The following FMR1 variants were observed in gnomAD, a reference collection of about 807,000 sequenced individuals.
FMR1 encodes fragile X messenger ribonucleoprotein 1.
Under a neutral mutation model 50.6 loss-of-function variants are expected in FMR1, and 13 were observed. The observed-to-expected ratio is 0.26, with a 90% CI of 0.17 to 0.41. The LOEUF is 0.41. Among genes scored for constraint, FMR1 ranks in the 10% least tolerant of loss-of-function variants. The pLI, the probability that FMR1 is intolerant of heterozygous loss-of-function variation, is 1.00. For synonymous variants in FMR1, 138 were observed against 164.1 expected (o/e 0.84, Z 1.22); for missense variants, 316 against 491.3 (o/e 0.64, Z 3.37).
At chrX:147,935,655 C>T (rs782200660) in intron 9 of FMR1, among the ~76,000 whole-genome samples, 1 of 111,951 alleles carries the variant, frequency 8.9e-6, no homozygotes, top group South Asian at 3.7e-4. Context: ...CAAATGAAAG[C>T]AGTCATTTTC....
chrX:147,944,513 A>G (rs782388383), intron 14 of FMR1: 444 of 752,478 alleles, frequency 5.9e-4, no homozygotes, highest in Non-Finnish European at 6.7e-4. Context: ...TTATCAGGGT[A>G]TCACACTTAA....
Position 147,948,587 on chromosome X carries a change from G to A in FMR1, c.1738-96G>A, listed in dbSNP as rs1357692487. 1.7e-6 allele frequency: 2 copies of A among 1,186,537 alleles called. No individual in the cohort carries two copies. The highest frequency in any genetic ancestry group is 2.3e-6 in the Non-Finnish European group (2 of 881,120). On this transcript the variant is annotated intron_variant, in intron 16 of 16. Transcript: ENST00000370475. ...TCATCTCCATTTCTCTTTTTAACAT[G>A]TGGAATTTACACTTCAGGTTTAAAT...
chrX:147,951,044 T>C lies in FMR1; in HGVS notation c.*2200T>C, dbSNP rs1557183698. ...CAAAGTCATGATGTTTTTAAAATCT[T>C]ATTAAAGTTTCAAAAATCTGAAGAT... is the stretch of plus-strand genomic sequence containing the variant. On this transcript the variant is annotated 3_prime_UTR_variant, in exon 17 of 17. Coordinates refer to ENST00000370475, the MANE Select transcript of FMR1 (RefSeq NM_002024.6). 4.1e-6 allele frequency: 1 copy of C among 243,953 alleles called. No homozygotes were observed. Among genetic ancestry groups the C allele is most frequent in the Non-Finnish European group, 7.8e-6 (1 of 128,419 alleles). The allele number at this position is 243,953 out of a possible 1,213,427, so 20.1% of individuals were successfully genotyped here. A position where few individuals can be genotyped will look rare whatever the true frequency, so the allele number is the denominator to read the frequency against.
intron 13 of FMR1, among the ~76,000 whole-genome samples, chrX:147,942,417 A>T (rs993628283): frequency 4.4e-5 from 5 of 112,386 alleles, no homozygotes; most frequent in African/African-American, 1.6e-4. Context: ...ATTGGACCCC[A>T]GGTGTATATT....
intron 1 of FMR1, 79 bp from the exon 2 acceptor site, chrX:147,921,854 T>TATTCATAAACACATAAAAC (rs2043184413): frequency 1.6e-6 from 1 of 609,255 alleles, no homozygotes; most frequent in Non-Finnish European, 2.8e-6. Context: ...ATAAAACGTT[T>TATTCATAAACACATAAAAC]GGTATCACTG....
intron 9 of FMR1, among the ~76,000 whole-genome samples, chrX:147,934,517 A>T (rs2043721942): frequency 8.9e-6 from 1 of 111,765 alleles, no homozygotes; most frequent in Admixed American, 9.5e-5. Flanking sequence ...ACCTTATTCA[A>T]AACAACTCCA....
At chrX:147,947,986 T>A (rs1233455775) in intron 16 of FMR1, among the ~76,000 whole-genome samples, 3 of 112,297 alleles carry the variant, frequency 2.7e-5, no homozygotes, top group Non-Finnish European at 3.8e-5. Flanking sequence ...TTAAATTACA[T>A]TGATCTTTAT....
rs1557183496 is a variant in FMR1, at chrX:147,950,670, C to T, written c.*1826C>T. 10 of 324,404 alleles carry T rather than the reference C, an allele frequency of 3.1e-5. No homozygotes were observed. Among genetic ancestry groups the T allele is most frequent in the South Asian group, 2.7e-4 (10 of 37,244 alleles). 26.7% of individuals were successfully genotyped at this position (324,404 alleles called of 1,213,427 possible). ...TTGATGCAATCCTTACAAATGATTG[C>T]TTTTAAAATTTTAAGCTAGGAAAAG... On this transcript the variant is annotated 3_prime_UTR_variant, in exon 17 of 17. Coordinates refer to ENST00000370475, the MANE Select transcript of FMR1 (RefSeq NM_002024.6).
Position 147,936,490 on chromosome X carries a change from T to C in FMR1, c.881-14T>C. 2 of 1,104,895 alleles carry C rather than the reference T, an allele frequency of 1.8e-6. No individual in the cohort carries two copies. Among genetic ancestry groups the C allele is most frequent in the Non-Finnish European group, 2.5e-6 (2 of 798,280 alleles). The allele number at this position is 1,104,895 out of a possible 1,213,427, so 91.1% of individuals were successfully genotyped here. On this transcript the variant is annotated splice_polypyrimidine_tract_variant and intron_variant, in intron 9 of 16. Transcript: ENST00000370475. ...TGTGTTTTTAAAACCAAACTTGATT[T>C]ATTTATTTCTTAGGCAAAGTAATAG...
chrX:147,936,408 A>G (rs1324982189), intron 9 of FMR1, 96 bp from the exon 10 acceptor site: 1 of 555,739 alleles, frequency 1.8e-6, no homozygotes, highest in Non-Finnish European at 3.1e-6. Context: ...ACATAAAAAT[A>G]TCTATCTATA....
chrX:147,944,535 A>G (rs1177087180), intron 14 of FMR1: 5 of 751,956 alleles, frequency 6.6e-6, no homozygotes, highest in Non-Finnish European at 7.8e-6. Flanking sequence ...TGTCGTGGAT[A>G]ATCTTTTCCT....
At chrX:147,914,590 C>T (rs782142679) in intron 1 of FMR1, 2 of 111,706 alleles carry the variant, frequency 1.8e-5, no homozygotes. Flanking sequence ...CTAACATAAC[C>T]ACCATATTTG....
At chrX:147,915,697 G>A (rs782394827) in intron 1 of FMR1, among the ~76,000 whole-genome samples, 1 of 111,619 alleles carries the variant, frequency 9.0e-6, no homozygotes, top group Admixed American at 9.5e-5. Context: ...GATTGGGATC[G>A]TGATTATAAT....
Position 147,950,865 on chromosome X carries a change from C to G in FMR1, c.*2021C>G, listed in dbSNP as rs1557183636. ...TACCATTAAAATATGCACTAAGTCT[C>G]TTTTTTACAAAGGCTGTATTCAGCA... On this transcript the variant is annotated 3_prime_UTR_variant, in exon 17 of 17. Transcript: ENST00000370475. The G allele has an allele frequency of 3.2e-6, 1 of 310,301 alleles. No homozygotes were observed. Among genetic ancestry groups the G allele is most frequent in the Admixed American group, 3.6e-5 (1 of 28,065 alleles). 25.6% of individuals were successfully genotyped at this position (310,301 alleles called of 1,213,427 possible).
At chrX:147,943,362 G>C (rs782133154) in intron 14 of FMR1, 36 bp downstream of exon 14, 59 of 1,089,457 alleles carry the variant, frequency 5.4e-5, no homozygotes, top group Non-Finnish European at 6.9e-5. Context: ...AACTTTATCT[G>C]TTCCTAGACT....
chrX:147,921,172 A>G (rs2043144966), intron 1 of FMR1, among the ~76,000 whole-genome samples: 3 of 112,013 alleles, frequency 2.7e-5, no homozygotes, highest in African/African-American at 9.7e-5. Flanking sequence ...CTAATTGTCC[A>G]AAACAAAACA....
intron 13 of FMR1, 125 bp from the exon 14 acceptor site, chrX:147,943,006 G>A (rs2044060520): frequency 3.5e-6 from 2 of 569,529 alleles, no homozygotes; most frequent in African/African-American, 4.6e-5. Flanking sequence ...GTGTAACAGT[G>A]TTTACTGTAA....
intron 12 of FMR1, among the ~76,000 whole-genome samples, chrX:147,939,460 ATT>A (rs1195952259): frequency 3.6e-5 from 4 of 111,076 alleles, no homozygotes; most frequent in African/African-American, 1.3e-4. Flanking sequence ...CAATGTACCT[ATT>A]TTTTTGTCTC....
At chrX:147,925,745 C>T in intron 3 of FMR1, 112 bp downstream of exon 3, 2 of 546,292 alleles carry the variant, frequency 3.7e-6, no homozygotes, top group Non-Finnish European at 6.5e-6. Flanking sequence ...TTGAGAATTA[C>T]AGCTGGAATG....
Sources: allele counts gnomAD v4.1 joint callset (sites outside exome capture counted in the v4.1 genomes callset), GRCh38; gene constraint gnomAD v4.1.1; transcripts MANE v1.5; gene names NCBI Gene and HGNC (gene_info 2026-07-23, HGNC 2026-07-21).